The following ARHGAP22 variants were observed in gnomAD, a reference collection of about 807,000 sequenced individuals.
ARHGAP22 encodes the protein Rho GTPase activating protein 22.
In ARHGAP22, 48 loss-of-function variants were observed where a neutral mutation model predicts 59.1. That is an observed-to-expected ratio of 0.81 (90% CI 0.64 to 1.03). The LOEUF (loss-of-function observed/expected upper bound fraction) is 1.03. Ranked by LOEUF, ARHGAP22 falls within the 50% of genes least tolerant of loss-of-function variation. The probability of loss-of-function intolerance (pLI) is 0.00; values close to 1 mark genes in which losing one functional copy is unlikely to be tolerated. For synonymous variants in ARHGAP22, 445 were observed against 416.4 expected, an observed-to-expected ratio of 1.07 and a Z score of -0.84; for missense variants, 1,015 against 958.7, an observed-to-expected ratio of 1.06 and a Z score of -0.78.
chr10:48,601,347 A>G (rs1337572504), intron 1 of ARHGAP22, among the ~76,000 whole-genome samples: 2 of 152,020 alleles, frequency 1.3e-5, no homozygotes, highest in African/African-American at 4.8e-5. Context: ...TTCCCTAACC[A>G]CTTTTCAAGT....
chr10:48,551,569 T>G (rs768553385), intron 3 of ARHGAP22, among the ~76,000 whole-genome samples: 39 of 152,248 alleles, frequency 2.6e-4, no homozygotes, highest in Non-Finnish European at 4.7e-4. Context: ...TAAGTGGTTT[T>G]CCTGCGTGTC....
intron 2 of ARHGAP22, among the ~76,000 whole-genome samples, chr10:48,558,409 C>T (rs764203210): frequency 2.6e-5 from 4 of 151,096 alleles, no homozygotes; most frequent in Non-Finnish European, 4.4e-5. Context: ...GTGGCCCAGG[C>T]TGGAGAGCAG....
In ARHGAP22 at chr10:48,604,901, G is replaced by A; in HGVS notation, c.-105C>T. On this transcript the variant is annotated 5_prime_UTR_variant, in exon 1 of 10. Coordinates refer to ENST00000249601, the MANE Select transcript of ARHGAP22 (RefSeq NM_021226.4). ...CGCCCCTCATGTCCTGCTCGTTCGGGGCCCCGTGGCCGCTGGCGTCACCCG... is the reference window on the plus strand; with the variant it reads ...CGCCCCTCATGTCCTGCTCGTTCGGAGCCCCGTGGCCGCTGGCGTCACCCG... 1 of 1,587,278 alleles carries A rather than the reference G, an allele frequency of 6.3e-7. No individual in the cohort carries two copies.
intron 3 of ARHGAP22, among the ~76,000 whole-genome samples, chr10:48,523,051 C>T (rs777488385): frequency 8.3e-4 from 127 of 152,356 alleles, no homozygotes; most frequent in Non-Finnish European, 1.2e-3. Context: ...TGGACAAGGT[C>T]GAAGGCTGCC....
At position 48,486,095 on chromosome 10, in the gene ARHGAP22, T is replaced by TA. The variant is rs2049833445; in HGVS notation, c.323-6332dup. Among the ~76,000 whole-genome samples, 7 of 152,160 alleles carry TA rather than the reference T, an allele frequency of 4.6e-5. No homozygotes were observed. In the South Asian group the frequency reaches 1.4e-3, roughly 31 times the overall value. ...TCTATCTGCTTTGTTGGCTTATTAG[T>TA]AAAAATCTCACTCTCTTCATGCTGT... On this transcript the variant is annotated intron_variant, in intron 3 of 9. Transcript: ENST00000249601.
At chr10:48,643,699 A>G (rs1056122483) in intron 1 of ARHGAP22, among the ~76,000 whole-genome samples, 1 of 151,376 alleles carries the variant, frequency 6.6e-6, no homozygotes, top group African/African-American at 2.4e-5. Flanking sequence ...ACATGTATAC[A>G]TATGTAACAA....
intron 3 of ARHGAP22, among the ~76,000 whole-genome samples, chr10:48,508,122 A>G (rs956039622): frequency 6.7e-4 from 102 of 152,168 alleles, no homozygotes; most frequent in African/African-American, 2.3e-3. Flanking sequence ...GGTTTTGTTC[A>G]TTACATGGTA....
At chr10:48,560,786 TATG>T (rs1278604928) in intron 2 of ARHGAP22, among the ~76,000 whole-genome samples, 1 of 152,202 alleles carries the variant, frequency 6.6e-6, no homozygotes, top group Non-Finnish European at 1.5e-5. Flanking sequence ...CATTTATTAA[TATG>T]ATGAATTACA....
At chr10:48,467,393 G>A (rs749861880) in intron 4 of ARHGAP22, among the ~76,000 whole-genome samples, 18 of 152,062 alleles carry the variant, frequency 1.2e-4, no homozygotes, top group Non-Finnish European at 2.2e-4. Context: ...AGAGAGGCAC[G>A]GCTAGGGGCA....
intron 1 of ARHGAP22, among the ~76,000 whole-genome samples, chr10:48,601,235 C>T (rs897828077): frequency 6.6e-6 from 1 of 152,154 alleles, no homozygotes; most frequent in Non-Finnish European, 1.5e-5. Context: ...TCCCAGGAGG[C>T]CTGCTAACCC....
intron 1 of ARHGAP22, among the ~76,000 whole-genome samples, chr10:48,613,759 A>T (rs1303438345): frequency 1.3e-5 from 2 of 152,262 alleles, no homozygotes; most frequent in Admixed American, 1.3e-4. Context: ...AGGAGGACGA[A>T]AGTTTACTTA....
At chr10:48,445,897 C>T (rs577982300), downstream of ARHGAP22, 143 of 161,644 alleles carry the variant, frequency 8.8e-4, no homozygotes, top group Non-Finnish European at 1.6e-3. Flanking sequence ...GGGGGCTTCA[C>T]GTCCCACTTC....
At chr10:48,521,824 A>C (rs961922197) in intron 3 of ARHGAP22, among the ~76,000 whole-genome samples, 3 of 152,234 alleles carry the variant, frequency 2.0e-5, no homozygotes, top group Non-Finnish European at 2.9e-5. Flanking sequence ...AAGGTTCCCT[A>C]GGGAAAGGTG....
intron 1 of ARHGAP22, among the ~76,000 whole-genome samples, chr10:48,648,860 G>A (rs1344261485): frequency 6.6e-6 from 1 of 152,170 alleles, no homozygotes; most frequent in Admixed American, 6.5e-5. Flanking sequence ...ACAGAGGTAA[G>A]TGGCCTGGGC....
At chr10:48,561,280 T>G (rs1296010507) in intron 2 of ARHGAP22, among the ~76,000 whole-genome samples, 2 of 152,226 alleles carry the variant, frequency 1.3e-5, no homozygotes, top group Non-Finnish European at 2.9e-5. Context: ...CAACAAATGA[T>G]GGTTGAGCAA....
Position 48,446,621 on chromosome 10 carries a change from T to C in ARHGAP22, c.1869-2A>G, listed in dbSNP as rs2133484885. 2 of 1,613,352 alleles carry C rather than the reference T, an allele frequency of 1.2e-6. No homozygotes were observed. The highest frequency in any genetic ancestry group is 4.5e-5 in the East Asian group (2 of 44,882). On this transcript the variant is annotated splice_acceptor_variant, in intron 9 of 9. Transcript: ENST00000249601. LOFTEE classifies it high-confidence loss of function. ...AGGTCAGCACTCCCTTCTTCGATTC[T>C]GAAAAGTCAAGGAGAGATGCTGTTT...
intron 1 of ARHGAP22, among the ~76,000 whole-genome samples, chr10:48,587,073 T>G (rs1048859356): frequency 8.5e-5 from 13 of 152,178 alleles, no homozygotes; most frequent in African/African-American, 3.1e-4. Context: ...GGACACAGAC[T>G]TGGAAGAAAC....
chr10:48,595,615 T>G (rs1009707267), intron 1 of ARHGAP22, among the ~76,000 whole-genome samples: 1 of 152,086 alleles, frequency 6.6e-6, no homozygotes, highest in Non-Finnish European at 1.5e-5. Context: ...GCTCAAACTC[T>G]TAGGTTCAGA....
chr10:48,461,670 C>A (rs564285323), intron 4 of ARHGAP22, among the ~76,000 whole-genome samples: 1 of 152,198 alleles, frequency 6.6e-6, no homozygotes, highest in Non-Finnish European at 1.5e-5. Flanking sequence ...GTCTACACCA[C>A]GGCACAGTAA....
Sources: gnomAD v4.1 joint callset for allele counts (sites outside exome capture counted in the v4.1 genomes callset) on GRCh38, gnomAD v4.1.1 for gene constraint, MANE v1.5 for transcripts, NCBI Gene and HGNC (gene_info 2026-07-23, HGNC 2026-07-21) for gene names.